PTPRN2: variants seen among roughly 807,000 people sequenced by gnomAD.
PTPRN2 encodes receptor-type tyrosine-protein phosphatase N2.
A neutral mutation model predicts 118.8 loss-of-function variants in PTPRN2; 74 were observed. The ratio of observed to expected loss-of-function variants is 0.62; its 90% CI spans 0.52 to 0.76. PTPRN2 has a LOEUF of 0.76. Among genes scored for constraint, PTPRN2 ranks in the 30% least tolerant of loss-of-function variants. The pLI is 0.00. For synonymous variants in PTPRN2, 641 were observed against 608.0 expected (o/e 1.05, Z -0.80); for missense variants, 1,481 against 1,394.4 (o/e 1.06, Z -0.99).
chr7:158,208,082 T>A (rs1202088141), intron 3 of PTPRN2, among the ~76,000 whole-genome samples: 1 of 152,144 alleles, frequency 6.6e-6, no homozygotes, highest in Non-Finnish European at 1.5e-5. Context: ...ACTGGCTAGT[T>A]GAAAATATGC....
intron 2 of PTPRN2, among the ~76,000 whole-genome samples, chr7:158,441,830 GTCA>G (rs1817306123): frequency 6.8e-6 from 1 of 146,666 alleles, no homozygotes. Flanking sequence ...GATAGTGATG[GTCA>G]TGGCAGTGGT....
In PTPRN2 at chr7:157,903,775, T is replaced by C. The variant is rs566705824; in HGVS notation, c.1724-5038A>G. Among the ~76,000 whole-genome samples, 78 of 152,278 alleles carry C rather than the reference T, an allele frequency of 5.1e-4. No individual in the cohort carries two copies. The highest frequency in any genetic ancestry group is 1.6e-3 in the African/African-American group (68 of 41,558). ...TAAAATAATTGAAAAGTAATGAAGC[T>C]GGCAGTGGCTACATTCCTGCCACAC... On this transcript the variant is annotated intron_variant, in intron 11 of 22. Transcript: ENST00000389418. The surrounding 1 kb of genome is among the most constrained non-coding windows in gnomAD (Gnocchi z 4.2).
intron 5 of PTPRN2, among the ~76,000 whole-genome samples, chr7:158,189,268 C>G (rs1383282444): frequency 6.6e-6 from 1 of 152,232 alleles, no homozygotes; most frequent in Non-Finnish European, 1.5e-5. Flanking sequence ...CGAATCCATG[C>G]TGCGCCTTGT....
rs545782720 is a variant in PTPRN2 at position 157,881,434 on chromosome 7, G to C, written c.1788+17239C>G. ...AGCCCAGGAGAGAGGCCTTGGGAGA[G>C]ACCAGCCCTGCCCACACCTTGATCT... On this transcript the variant is annotated intron_variant, in intron 12 of 22. Coordinates refer to ENST00000389418, the MANE Select transcript of PTPRN2 (RefSeq NM_002847.5). This position sits in a 1 kb window ranked among gnomAD's most constrained non-coding sequence, Gnocchi z 4.7. Among the ~76,000 whole-genome samples, 1 of 152,120 alleles carries C rather than the reference G, an allele frequency of 6.6e-6. No individual in the cohort carries two copies. Among genetic ancestry groups the C allele is most frequent in the Non-Finnish European group, 1.5e-5 (1 of 68,024 alleles).
At chr7:158,362,397 G>GAGAA (rs1431725089) in intron 2 of PTPRN2, among the ~76,000 whole-genome samples, 21 of 152,042 alleles carry the variant, frequency 1.4e-4, no homozygotes, top group Admixed American at 9.8e-4. Flanking sequence ...TACTCACAGA[G>GAGAA]AAGAAAAATT....
chr7:158,584,588 C>T (rs868179804), intron 1 of PTPRN2, among the ~76,000 whole-genome samples: 11 of 152,070 alleles, frequency 7.2e-5, no homozygotes, highest in Admixed American at 5.9e-4. Flanking sequence ...TTAATTAATG[C>T]CATAAGGGAG....
At chr7:158,013,312 T>C (rs1263163845) in intron 11 of PTPRN2, among the ~76,000 whole-genome samples, 1 of 152,200 alleles carries the variant, frequency 6.6e-6, no homozygotes, top group Non-Finnish European at 1.5e-5. Context: ...TGTTCATTAA[T>C]CAGAGCTATT....
intron 11 of PTPRN2, among the ~76,000 whole-genome samples, chr7:157,905,898 G>T (rs1442272843): frequency 6.6e-6 from 1 of 152,160 alleles, no homozygotes; most frequent in African/African-American, 2.4e-5. Flanking sequence ...TTATGGGGTG[G>T]AGCCTGGTTT....
At chr7:157,558,833 G>A (rs1585030054) in intron 21 of PTPRN2, among the ~76,000 whole-genome samples, 1 of 152,190 alleles carries the variant, frequency 6.6e-6, no homozygotes, top group Non-Finnish European at 1.5e-5. Flanking sequence ...TCTATTTTGG[G>A]TTCAGAAAGT....
intron 1 of PTPRN2, among the ~76,000 whole-genome samples, chr7:158,519,165 C>A (rs914620682): frequency 6.6e-6 from 1 of 152,124 alleles, no homozygotes. Flanking sequence ...TTTCCAAGAA[C>A]TTCCTTGGCT....
intron 12 of PTPRN2, among the ~76,000 whole-genome samples, chr7:157,760,436 C>G (rs1248898990): frequency 6.6e-6 from 1 of 152,124 alleles, no homozygotes; most frequent in Non-Finnish European, 1.5e-5. Flanking sequence ...AATAAAACCA[C>G]AAGTCCTGCC....
chr7:158,122,610 C>T (rs1585509794), intron 9 of PTPRN2, among the ~76,000 whole-genome samples: 1 of 152,232 alleles, frequency 6.6e-6, no homozygotes, highest in Non-Finnish European at 1.5e-5. Context: ...GGACGCCACA[C>T]TGAGGCCCCA....
chr7:158,272,270 G>A (rs772522147), intron 3 of PTPRN2, among the ~76,000 whole-genome samples: 19 of 152,254 alleles, frequency 1.2e-4, no homozygotes, highest in East Asian at 1.9e-4. Context: ...TCCGGGGCCC[G>A]GGCAGGCCCT....
At chr7:158,116,799 A>C (rs1816765046) in intron 9 of PTPRN2, among the ~76,000 whole-genome samples, 1 of 152,148 alleles carries the variant, frequency 6.6e-6, no homozygotes, top group African/African-American at 2.4e-5. Context: ...GAATATTCAA[A>C]AGTAACTGAA....
intron 10 of PTPRN2, among the ~76,000 whole-genome samples, chr7:158,085,039 C>A (rs1247914929): frequency 1.5e-5 from 2 of 135,942 alleles, no homozygotes; most frequent in African/African-American, 5.6e-5. Flanking sequence ...CCCATCCACA[C>A]CCACGACACC....
chr7:157,901,126 G>A (rs1204009887), intron 11 of PTPRN2, among the ~76,000 whole-genome samples: 1 of 152,176 alleles, frequency 6.6e-6, no homozygotes, highest in Non-Finnish European at 1.5e-5. Flanking sequence ...GAGGGCGGAG[G>A]GAGGGCCAGG....
rs1276383308 is a variant in PTPRN2 at position 157,591,086 on chromosome 7, T to C, written c.2496+4152A>G. Among the ~76,000 whole-genome samples, 1 of 152,148 alleles carries C rather than the reference T, an allele frequency of 6.6e-6. No homozygotes were observed. Among genetic ancestry groups the C allele is most frequent in the Non-Finnish European group, 1.5e-5 (1 of 68,028 alleles). On this transcript the variant is annotated intron_variant, in intron 17 of 22. Transcript: ENST00000389418. This position sits in a 1 kb window ranked among gnomAD's most constrained non-coding sequence, Gnocchi z 4.4. ...TAGGATGAGCTCTCAGTCCAATGAC[T>C]GACATCCTTAGAAGAGGAGGGAAAT... is the stretch of plus-strand genomic sequence containing the variant.
At chr7:157,739,000 A>G (rs1800466596) in intron 12 of PTPRN2, 1 of 152,228 alleles carries the variant, frequency 6.6e-6, no homozygotes, top group African/African-American at 2.4e-5. Flanking sequence ...GGTTTTCTTC[A>G]TAGGCTCCTG....
chr7:158,381,314 T>C (rs1195113876), intron 2 of PTPRN2, among the ~76,000 whole-genome samples: 3 of 152,220 alleles, frequency 2.0e-5, no homozygotes, highest in Admixed American at 2.0e-4. Flanking sequence ...TTTTGAATGC[T>C]TTGCTGCTTA....
Sources: gnomAD v4.1 joint callset for allele counts (sites outside exome capture counted in the v4.1 genomes callset) on GRCh38, gnomAD v4.1.1 for gene constraint, Gnocchi (gnomAD v3.1) non-coding constraint, MANE v1.5 for transcripts, NCBI Gene and HGNC (gene_info 2026-07-23, HGNC 2026-07-21) for gene names.